Variants in HERC3 observed in about 807,000 individuals in gnomAD.
HERC3 encodes HECT and RLD domain containing E3 ubiquitin protein ligase 3.
Under a neutral mutation model 129.9 loss-of-function variants are expected in HERC3, and 58 were observed. That is an observed-to-expected ratio of 0.45 (90% CI 0.36 to 0.56). HERC3 has a LOEUF of 0.56. Ranked by LOEUF, HERC3 falls within the 20% of genes least tolerant of loss-of-function variation. HERC3 has a pLI of 0.00. For synonymous variants in HERC3, 430 were observed against 451.0 expected (o/e 0.95, Z 0.59); for missense variants, 835 against 1,244.2 (o/e 0.67, Z 4.95).
chr4:88,531,956 C>T, the HERC3 span, among the ~76,000 whole-genome samples: 1 of 152,182 alleles, frequency 6.6e-6, no homozygotes, highest in African/African-American at 2.4e-5. Context: ...ACTCCAGAAG[C>T]AGCCCCCTGT....
At chr4:88,552,383 G>A in the HERC3 span, among the ~76,000 whole-genome samples, 5 of 152,102 alleles carry the variant, frequency 3.3e-5, no homozygotes, top group African/African-American at 1.2e-4. Context: ...CTCCCTAGTA[G>A]CTGAGATTAC....
intron 19 of HERC3, among the ~76,000 whole-genome samples, chr4:88,679,134 TA>T (rs1275192568): frequency 6.6e-6 from 1 of 152,224 alleles, no homozygotes; most frequent in Non-Finnish European, 1.5e-5. Context: ...ATGATAATAG[TA>T]CCCTATGCAT....
At chr4:88,677,832 G>A (rs905730909) in intron 18 of HERC3, 132 bp from the exon 19 acceptor site, 5 of 691,348 alleles carry the variant, frequency 7.2e-6, no homozygotes, top group Non-Finnish European at 9.6e-6. Context: ...GAAAATCTGT[G>A]GAAGTTAAGA....
At chr4:88,687,437 T>C (rs1483073846) in intron 23 of HERC3, 138 bp downstream of exon 23, 1 of 406,224 alleles carries the variant, frequency 2.5e-6, no homozygotes, top group Non-Finnish European at 4.4e-6. Flanking sequence ...AGGGCAATAA[T>C]TTACAGATTT....
intron 22 of HERC3, 44 bp from the exon 23 acceptor site, chr4:88,687,173 G>C: frequency 4.1e-6 from 6 of 1,456,208 alleles, no homozygotes; most frequent in Non-Finnish European, 5.8e-6. Context: ...AAAGATGAAT[G>C]GTTAACAAAA....
Position 88,679,797 on chromosome 4 carries a change from C to T in HERC3, c.2197-296C>T, listed in dbSNP as rs148773859. On this transcript the variant is annotated intron_variant, in intron 19 of 25. Transcript: ENST00000402738. ...CCTCCCAAAGTGCTAGGATTACAGG[C>T]GTGAGCCACCACGCCCAGCCAATAG... 3.6e-3 allele frequency among the ~76,000 whole-genome samples: 551 copies of T among 152,272 alleles called. 2 individuals carry two copies. Among genetic ancestry groups the T allele is most frequent in the Admixed American group, 8.7e-3 (133 of 15,292 alleles).
the HERC3 span, among the ~76,000 whole-genome samples, chr4:88,555,807 C>T: frequency 3.3e-5 from 5 of 152,182 alleles, no homozygotes; most frequent in South Asian, 2.1e-4. Context: ...AAGTTTGATA[C>T]GATGAGAATG....
the HERC3 span, among the ~76,000 whole-genome samples, chr4:88,554,549 A>C: frequency 1.3e-5 from 2 of 152,224 alleles, no homozygotes; most frequent in African/African-American, 4.8e-5. Context: ...ACTGAGGCAT[A>C]GGTAGCCCAC....
intron 23 of HERC3, chr4:88,690,805 C>G (rs1433999954): frequency 6.3e-6 from 1 of 158,326 alleles, no homozygotes; most frequent in Non-Finnish European, 1.4e-5. Flanking sequence ...CTCCCTGTCA[C>G]TCTCACTGTC....
the HERC3 span, among the ~76,000 whole-genome samples, chr4:88,528,875 G>A: frequency 1.3e-5 from 2 of 152,068 alleles, no homozygotes; most frequent in East Asian, 1.9e-4. Flanking sequence ...TTTGCTCTTC[G>A]ATAAATAAAA....
intron 3 of HERC3, among the ~76,000 whole-genome samples, chr4:88,623,097 T>C (rs562356930): frequency 1.4e-4 from 21 of 152,342 alleles, no homozygotes; most frequent in Non-Finnish European, 2.6e-4. Flanking sequence ...TAGTGGGTGC[T>C]CTATGTATAA....
chr4:88,675,229 T>C (rs951002753), intron 16 of HERC3, among the ~76,000 whole-genome samples: 5 of 152,208 alleles, frequency 3.3e-5, no homozygotes, highest in Admixed American at 6.5e-5. Flanking sequence ...TTAAACCATG[T>C]TTATGCAGCA....
intron 13 of HERC3, 46 bp downstream of exon 13, chr4:88,667,534 G>A (rs1230142138): frequency 2.0e-6 from 2 of 1,023,192 alleles, no homozygotes; most frequent in East Asian, 2.5e-5. Context: ...ATGCATTTTT[G>A]TATCGATGAA....
intron 3 of HERC3, among the ~76,000 whole-genome samples, chr4:88,628,054 A>G (rs780054535): frequency 5.3e-5 from 8 of 152,286 alleles, no homozygotes; most frequent in African/African-American, 1.2e-4. Flanking sequence ...ATAAATGTCA[A>G]TTAGTTGAAG....
chr4:88,682,648 G>C (rs1246914387), intron 21 of HERC3, among the ~76,000 whole-genome samples: 1 of 152,064 alleles, frequency 6.6e-6, no homozygotes, highest in African/African-American at 2.4e-5. Context: ...CAAAGGACAT[G>C]AACTCATCAT....
At chr4:88,559,665 A>G in the HERC3 span, among the ~76,000 whole-genome samples, 2 of 152,216 alleles carry the variant, frequency 1.3e-5, no homozygotes, top group Non-Finnish European at 2.9e-5. Context: ...TGTGTACCAC[A>G]GTGTCTTTAT....
At chr4:88,675,290 C>G (rs1361848636) in intron 16 of HERC3, among the ~76,000 whole-genome samples, 2 of 152,108 alleles carry the variant, frequency 1.3e-5, no homozygotes, top group Non-Finnish European at 2.9e-5. Context: ...CATCCACATG[C>G]CAAGACTGCT....
At chr4:88,534,199 T>C in the HERC3 span, among the ~76,000 whole-genome samples, 1 of 152,190 alleles carries the variant, frequency 6.6e-6, no homozygotes, top group Non-Finnish European at 1.5e-5. Context: ...AGACCACACT[T>C]TTAGTAGCAA....
the HERC3 span, among the ~76,000 whole-genome samples, chr4:88,570,788 T>G: frequency 2.9e-4 from 44 of 152,016 alleles, no homozygotes; most frequent in Non-Finnish European, 6.2e-4. Flanking sequence ...ATTTATTTAT[T>G]TTGAGACTGA....
Sources: gnomAD v4.1 joint callset for allele counts (sites outside exome capture counted in the v4.1 genomes callset) on GRCh38, gnomAD v4.1.1 for gene constraint, MANE v1.5 for transcripts, NCBI Gene and HGNC (gene_info 2026-07-23, HGNC 2026-07-21) for gene names.